The following RBM47 variants were observed in gnomAD, a reference collection of about 807,000 sequenced individuals.
The protein encoded by RBM47 is RNA binding motif protein 47, also known as RNA-binding protein 47.
RBM47 carries 21 observed loss-of-function variants against 47.1 expected under a neutral mutation model. That is an observed-to-expected ratio of 0.45 (90% CI 0.32 to 0.64). RBM47 has a LOEUF of 0.64. Among genes scored for constraint, RBM47 ranks in the 30% least tolerant of loss-of-function variants. The pLI is 0.05. For synonymous variants in RBM47, 375 were observed against 361.7 expected, an observed-to-expected ratio of 1.04 and a Z score of -0.42; for missense variants, 708 against 870.9, an observed-to-expected ratio of 0.81 and a Z score of 2.35.
intron 1 of RBM47, among the ~76,000 whole-genome samples, chr4:40,600,755 GGCGGGC>G (rs1735193488): frequency 6.6e-6 from 1 of 151,780 alleles, no homozygotes; most frequent in East Asian, 1.9e-4. Flanking sequence ...GGGAGGCCAA[GGCGGGC>G]TGATCACCTG....
chr4:40,443,597 A>AT (rs1376502998), intron 3 of RBM47, among the ~76,000 whole-genome samples: 3 of 151,628 alleles, frequency 2.0e-5, no homozygotes, highest in African/African-American at 4.8e-5. Flanking sequence ...CATGCCTGTA[A>AT]TCTCAGCTAC....
At chr4:40,439,007 C>T in intron 3 of RBM47, 83 bp from the exon 4 acceptor site, 1 of 1,194,782 alleles carries the variant, frequency 8.4e-7, no homozygotes, top group Non-Finnish European at 1.1e-6. Flanking sequence ...TGCAAGTATG[C>T]ATTAATAGGC....
intron 1 of RBM47, among the ~76,000 whole-genome samples, chr4:40,579,576 A>T (rs1732688683): frequency 1.3e-5 from 2 of 152,102 alleles, no homozygotes. Context: ...TGGGAACTAG[A>T]TTACCTATTT....
At chr4:40,570,479 G>A (rs7676694) in intron 1 of RBM47, among the ~76,000 whole-genome samples, 6,990 of 151,954 alleles carry the variant, frequency 0.046, 489 homozygotes, top group African/African-American at 0.14. Context: ...GATCTGCGAG[G>A]AATCAGAACT....
At chr4:40,452,272 A>T (rs1445786477) in intron 3 of RBM47, among the ~76,000 whole-genome samples, 1 of 152,138 alleles carries the variant, frequency 6.6e-6, no homozygotes, top group Non-Finnish European at 1.5e-5. Context: ...AATAGCTGAA[A>T]TGTAGGAGGT....
intron 3 of RBM47, among the ~76,000 whole-genome samples, chr4:40,444,213 C>T (rs1196914372): frequency 1.3e-5 from 2 of 152,066 alleles, no homozygotes; most frequent in African/African-American, 4.8e-5. Flanking sequence ...ACAACAACAA[C>T]AATAACGAAA....
intron 1 of RBM47, among the ~76,000 whole-genome samples, chr4:40,600,999 A>AAAAAAAAAAAAAAG (rs1338188731): frequency 1.3e-4 from 19 of 147,354 alleles, no homozygotes; most frequent in African/African-American, 4.7e-4. Flanking sequence ...AAAAAAAAAA[A>AAAAAAAAAAAAAAG]AAAGAAAGAA....
chr4:40,475,860 C>T (rs530944200), intron 2 of RBM47: 2 of 152,232 alleles, frequency 1.3e-5, no homozygotes, highest in African/African-American at 4.8e-5. Flanking sequence ...GAGTCATTTG[C>T]TAAGGGCACC....
At chr4:40,542,309 C>G (rs1018883872) in intron 2 of RBM47, among the ~76,000 whole-genome samples, 5 of 152,078 alleles carry the variant, frequency 3.3e-5, no homozygotes, top group Non-Finnish European at 5.9e-5. Flanking sequence ...CCTTTCCCCC[C>G]ATAGCTCATG....
chr4:40,549,640 A>C (rs1411824356), intron 1 of RBM47, among the ~76,000 whole-genome samples: 1 of 149,156 alleles, frequency 6.7e-6, no homozygotes, highest in Non-Finnish European at 1.5e-5. Flanking sequence ...CTCCTGCCTC[A>C]GCCTCCCAAG....
intron 1 of RBM47, among the ~76,000 whole-genome samples, chr4:40,555,225 C>G (rs536072170): frequency 2.0e-5 from 3 of 152,326 alleles, no homozygotes; most frequent in Non-Finnish European, 2.9e-5. Context: ...AGCCACCACA[C>G]CCGGCTTAAT....
intron 2 of RBM47, among the ~76,000 whole-genome samples, chr4:40,503,227 G>A (rs1405588703): frequency 6.6e-6 from 1 of 152,150 alleles, no homozygotes; most frequent in Non-Finnish European, 1.5e-5. Flanking sequence ...TTAGGCAAAG[G>A]ACTCTCCTGA....
chr4:40,500,221 G>A (rs765281035), intron 2 of RBM47, among the ~76,000 whole-genome samples: 1 of 152,164 alleles, frequency 6.6e-6, no homozygotes, highest in Non-Finnish European at 1.5e-5. Context: ...GCTGAGGCAG[G>A]AGAATCACTT....
chr4:40,554,749 C>T (rs1729907663), intron 1 of RBM47, among the ~76,000 whole-genome samples: 1 of 149,488 alleles, frequency 6.7e-6, no homozygotes, highest in African/African-American at 2.4e-5. Flanking sequence ...CCATCTCTCT[C>T]TCCTTTCTTT....
intron 3 of RBM47, among the ~76,000 whole-genome samples, chr4:40,443,717 C>CAAAAAAAAAAAAAAAA (rs10581870): frequency 6.3e-5 from 3 of 47,746 alleles, no homozygotes; most frequent in African/African-American, 8.4e-5. Flanking sequence ...AACTCCTTCT[C>CAAAAAAAAAAAAAAAA]AAAAAAAAAA....
intron 1 of RBM47, among the ~76,000 whole-genome samples, chr4:40,565,611 G>A (rs1201090692): frequency 1.3e-5 from 2 of 152,298 alleles, no homozygotes; most frequent in Non-Finnish European, 1.5e-5. Context: ...ATCTTATTCC[G>A]TGACAATCCA....
chr4:40,588,050 C>G (rs1444937432), intron 1 of RBM47, among the ~76,000 whole-genome samples: 1 of 152,156 alleles, frequency 6.6e-6, no homozygotes, highest in African/African-American at 2.4e-5. Flanking sequence ...TGGGGCCCTG[C>G]AATTCAGAGG....
At chr4:40,500,615 A>AT (rs1723233925) in intron 2 of RBM47, among the ~76,000 whole-genome samples, 1 of 146,822 alleles carries the variant, frequency 6.8e-6, no homozygotes, top group African/African-American at 2.5e-5. Flanking sequence ...TATATATATA[A>AT]AACCAACAAA....
chr4:40,494,891 GA>G (rs1722369158), intron 2 of RBM47, among the ~76,000 whole-genome samples: 1 of 152,128 alleles, frequency 6.6e-6, no homozygotes. Flanking sequence ...GCATGCTTTG[GA>G]ATTTCCAGTT....
Sources: allele counts gnomAD v4.1 joint callset (sites outside exome capture counted in the v4.1 genomes callset), GRCh38; gene constraint gnomAD v4.1.1; transcripts MANE v1.5; gene names NCBI Gene and HGNC (gene_info 2026-07-23, HGNC 2026-07-21).